DPRX: variants seen among roughly 807,000 people sequenced by gnomAD.
The protein encoded by DPRX is divergent-paired related homeobox, also known as divergent paired-related homeobox.
A neutral mutation model predicts 8.4 loss-of-function variants in DPRX; 11 were observed. That is an observed-to-expected ratio of 1.31 (90% CI 0.82 to 2.17). The LOEUF is 2.17. DPRX is among the 30% of genes most tolerant of loss of function. The pLI is 0.00. For missense variants in DPRX, 211 were observed against 236.7 expected (o/e 0.89, Z 0.71); for synonymous variants, 72 against 87.0 (o/e 0.83, Z 0.96).
the DPRX span, among the ~76,000 whole-genome samples, chr19:53,618,814 C>T: frequency 1.3e-5 from 2 of 151,774 alleles, no homozygotes; most frequent in African/African-American, 2.4e-5. Context: ...TCCCAAGTAG[C>T]TGGGATTACA....
the DPRX span, among the ~76,000 whole-genome samples, chr19:53,609,483 A>AC: frequency 6.7e-6 from 1 of 149,764 alleles, no homozygotes; most frequent in Non-Finnish European, 1.5e-5. Context: ...AAAAAAAAAA[A>AC]AAAAAAAAAA....
chr19:53,629,258 G>A (rs2091082261), upstream of DPRX, among the ~76,000 whole-genome samples: 1 of 148,014 alleles, frequency 6.8e-6, no homozygotes, highest in South Asian at 2.2e-4. Flanking sequence ...AGAAGTTGCA[G>A]TGAGCTGAGA....
the DPRX span, among the ~76,000 whole-genome samples, chr19:53,620,536 G>A: frequency 3.3e-5 from 5 of 151,108 alleles, no homozygotes; most frequent in East Asian, 9.8e-4. Context: ...CTAATTTTTT[G>A]CATTTTTTGG....
chr19:53,633,622 G>A (rs2091101120), intron 1 of DPRX, among the ~76,000 whole-genome samples: 1 of 152,076 alleles, frequency 6.6e-6, no homozygotes, highest in African/African-American at 2.4e-5. Context: ...CGATTCTCCT[G>A]CCTCAGCCTC....
the DPRX span, among the ~76,000 whole-genome samples, chr19:53,624,103 T>G: frequency 7.1e-6 from 1 of 141,748 alleles, no homozygotes; most frequent in Non-Finnish European, 1.5e-5. Context: ...TTTTTTTTTT[T>G]TTGAGACAGG....
chr19:53,621,965 G>A, the DPRX span, among the ~76,000 whole-genome samples: 19 of 152,112 alleles, frequency 1.2e-4, no homozygotes, highest in South Asian at 3.1e-3. Flanking sequence ...TTTCCCCCAC[G>A]TCGTCTACAT....
the DPRX span, among the ~76,000 whole-genome samples, chr19:53,626,903 T>C: frequency 1.3e-5 from 2 of 152,098 alleles, no homozygotes; most frequent in Non-Finnish European, 2.9e-5. Flanking sequence ...GGTTTCACTA[T>C]GTTGCCCAGG....
the DPRX span, chr19:53,603,561 G>C: frequency 2.7e-6 from 1 of 373,682 alleles, no homozygotes; most frequent in African/African-American, 2.1e-5. Context: ...GAATTAGAGA[G>C]AGTAGGGCAA....
chr19:53,628,856 G>C (rs1277840506), upstream of DPRX, among the ~76,000 whole-genome samples: 1 of 151,386 alleles, frequency 6.6e-6, no homozygotes, highest in Non-Finnish European at 1.5e-5. Flanking sequence ...CTCAAGTGCT[G>C]GGATTACAGA....
At chr19:53,621,832 A>G in the DPRX span, among the ~76,000 whole-genome samples, 1 of 152,150 alleles carries the variant, frequency 6.6e-6, no homozygotes, top group Admixed American at 6.6e-5. Context: ...GTTTCTGCAC[A>G]TTCTTAGGCA....
chr19:53,626,561 A>G, the DPRX span, among the ~76,000 whole-genome samples: 5 of 152,162 alleles, frequency 3.3e-5, no homozygotes, highest in African/African-American at 7.2e-5. Flanking sequence ...CTCCAAAAAG[A>G]AAAAAAGACT....
chr19:53,608,754 C>T, the DPRX span, among the ~76,000 whole-genome samples: 1 of 151,520 alleles, frequency 6.6e-6, no homozygotes, highest in African/African-American at 2.4e-5. Flanking sequence ...AGATTGAGAC[C>T]ATCCTGGCTA....
the DPRX span, chr19:53,602,249 A>ACCATATAT: frequency 2.5e-6 from 1 of 400,402 alleles, no homozygotes; most frequent in Non-Finnish European, 5.0e-6. Context: ...TATCCCCCAA[A>ACCATATAT]CCATATATAT....
chr19:53,614,175 T>C, the DPRX span, among the ~76,000 whole-genome samples: 2 of 151,788 alleles, frequency 1.3e-5, no homozygotes, highest in African/African-American at 2.4e-5. Context: ...TGGTCTCAAT[T>C]TCCTGACCTC....
chr19:53,631,908 A>G (rs1204072778), upstream of DPRX: 2 of 667,318 alleles, frequency 3.0e-6, no homozygotes, highest in Non-Finnish European at 5.1e-6. Flanking sequence ...CTCAATCAAT[A>G]TTAGATAAAA....
At chr19:53,631,876 G>C (rs778415106), upstream of DPRX, among the ~76,000 whole-genome samples, 1 of 152,060 alleles carries the variant, frequency 6.6e-6, no homozygotes. Flanking sequence ...TTGTGGACTC[G>C]CCTTTGAGTC....
At chr19:53,614,507 T>C in the DPRX span, among the ~76,000 whole-genome samples, 4 of 151,930 alleles carry the variant, frequency 2.6e-5, no homozygotes, top group Admixed American at 2.6e-4. Flanking sequence ...AAGACCAACC[T>C]GGGCAACATA....
At chr19:53,605,047 C>T in the DPRX span, among the ~76,000 whole-genome samples, 1 of 152,050 alleles carries the variant, frequency 6.6e-6, no homozygotes, top group Non-Finnish European at 1.5e-5. Flanking sequence ...GGTGCAGGGG[C>T]TCATGCCTGT....
chr19:53,602,268 G>GTA, the DPRX span: 6 of 41,328 alleles, frequency 1.5e-4, no homozygotes, highest in South Asian at 9.0e-4. Context: ...ATGGGTATGG[G>GTA]TGTGTGTGTG....
Sources: allele counts gnomAD v4.1 joint callset (sites outside exome capture counted in the v4.1 genomes callset), GRCh38; gene constraint gnomAD v4.1.1; transcripts MANE v1.5; gene names NCBI Gene and HGNC (gene_info 2026-07-23, HGNC 2026-07-21).